The following TRPM3 variants were observed in gnomAD, a reference collection of about 807,000 sequenced individuals.
The protein encoded by TRPM3 is transient receptor potential cation channel subfamily M member 3.
In TRPM3, 77 loss-of-function variants were observed where a neutral mutation model predicts 181.2. The ratio of observed to expected loss-of-function variants is 0.42; its 90% CI spans 0.35 to 0.51. The LOEUF (loss-of-function observed/expected upper bound fraction) is 0.51. Among genes scored for constraint, TRPM3 ranks in the 20% least tolerant of loss-of-function variants. The pLI is 0.01. For missense variants in TRPM3, 1,759 were observed against 2,196.7 expected, an observed-to-expected ratio of 0.80 and a Z score of 3.98; for synonymous variants, 745 against 796.4, an observed-to-expected ratio of 0.94 and a Z score of 1.09.
chr9:70,974,595 G>A (rs2097283519), intron 1 of TRPM3, among the ~76,000 whole-genome samples: 1 of 151,824 alleles, frequency 6.6e-6, no homozygotes, highest in Admixed American at 6.6e-5. Flanking sequence ...TGGGCGTGGT[G>A]GCACATGCCT....
At chr9:70,647,405 G>A (rs1412299877) in intron 9 of TRPM3, among the ~76,000 whole-genome samples, 1 of 152,120 alleles carries the variant, frequency 6.6e-6, no homozygotes, top group Non-Finnish European at 1.5e-5. Context: ...ATAAATAAAT[G>A]TGATTCACCA....
At chr9:71,012,443 C>T (rs1021820559) in intron 1 of TRPM3, among the ~76,000 whole-genome samples, 9 of 151,304 alleles carry the variant, frequency 5.9e-5, no homozygotes, top group East Asian at 1.9e-4. Flanking sequence ...GTTAACCTTC[C>T]CTTACTGCTA....
intron 1 of TRPM3, among the ~76,000 whole-genome samples, chr9:71,092,710 T>G (rs1407336855): frequency 1.3e-5 from 2 of 152,204 alleles, no homozygotes; most frequent in Non-Finnish European, 2.9e-5. Flanking sequence ...AAAATTAATA[T>G]CTTCTACTTT....
At chr9:70,969,641 A>AG (rs1307663965) in intron 1 of TRPM3, among the ~76,000 whole-genome samples, 6 of 151,038 alleles carry the variant, frequency 4.0e-5, no homozygotes, top group Non-Finnish European at 7.4e-5. Context: ...TTGTGTTGAA[A>AG]TCTCCTGCCT....
At chr9:70,967,764 A>G (rs1200434844) in intron 1 of TRPM3, among the ~76,000 whole-genome samples, 2 of 152,226 alleles carry the variant, frequency 1.3e-5, no homozygotes, top group African/African-American at 2.4e-5. Flanking sequence ...TTTATTGAGA[A>G]ACTCTAAGAG....
At position 70,740,869 on chromosome 9, in the gene TRPM3, T is replaced by C. The variant is rs2073921928; in HGVS notation, c.1272+20732A>G. 5.3e-5 allele frequency among the ~76,000 whole-genome samples: 8 copies of C among 152,244 alleles called. No individual in the cohort carries two copies. In the South Asian group the frequency reaches 1.7e-3, roughly 32 times the overall value. ...CTGAAACCACAACAGTTCTAGGAGA[T>C]AACATCGGAAAAACCCTTCTAGACA... On this transcript the variant is annotated intron_variant, in intron 8 of 25. Coordinates refer to ENST00000677713, the MANE Select transcript of TRPM3 (RefSeq NM_001366145.2).
At chr9:70,805,502 C>T (rs1450149630) in intron 6 of TRPM3, among the ~76,000 whole-genome samples, 1 of 141,570 alleles carries the variant, frequency 7.1e-6, no homozygotes, top group African/African-American at 2.6e-5. Flanking sequence ...GCACTGCACT[C>T]CAACCTGGGC....
chr9:70,879,252 G>T (rs2095935288), intron 1 of TRPM3, among the ~76,000 whole-genome samples: 1 of 152,060 alleles, frequency 6.6e-6, no homozygotes, highest in African/African-American at 2.4e-5. Flanking sequence ...GCCAGGAGAG[G>T]TATCTGAGCT....
intron 1 of TRPM3, among the ~76,000 whole-genome samples, chr9:70,982,898 G>A (rs181020574): frequency 1.3e-5 from 2 of 151,922 alleles, no homozygotes; most frequent in East Asian, 1.9e-4. Context: ...ATGGGGTTTC[G>A]CCATGTTGGC....
chr9:70,610,665 C>G lies in TRPM3; in HGVS notation c.2611G>C (p.Gly871Arg), dbSNP rs182875508. ...TTGTAGAATTCATAGATTTTTCTGC[C>G]GAGGGGGATTAACCGGTGCTTGCTC... ...VQSKHRLIPLGRKIYEFYNAP... is the reference protein window; with the variant it reads ...VQSKHRLIPLRRKIYEFYNAP... Residue 871 changes from glycine to arginine, a missense_variant, in exon 19 of 26, where the codon GGC becomes CGC. By Grantham distance (125) the Gly-to-Arg change is moderately radical. Coordinates refer to ENST00000677713, the MANE Select transcript of TRPM3 (RefSeq NM_001366145.2). The G allele has an allele frequency of 6.2e-7, 1 of 1,614,086 alleles. No homozygotes were observed.
chr9:71,013,491 A>C (rs2097761981), intron 1 of TRPM3, among the ~76,000 whole-genome samples: 1 of 151,844 alleles, frequency 6.6e-6, no homozygotes. Flanking sequence ...CTATGCTGTG[A>C]AACAATTTTT....
chr9:70,806,322 T>C (rs1307323316), intron 6 of TRPM3, among the ~76,000 whole-genome samples: 1 of 152,192 alleles, frequency 6.6e-6, no homozygotes, highest in Non-Finnish European at 1.5e-5. Flanking sequence ...TTGGCCATTT[T>C]AGGGCATAAA....
chr9:71,093,201 A>C (rs751416224), intron 1 of TRPM3, among the ~76,000 whole-genome samples: 9 of 152,204 alleles, frequency 5.9e-5, no homozygotes, highest in Non-Finnish European at 1.3e-4. Context: ...TAAAGCACCA[A>C]AAGCAATTGC....
chr9:70,963,221 T>C (rs2097154353), intron 1 of TRPM3, among the ~76,000 whole-genome samples: 1 of 152,224 alleles, frequency 6.6e-6, no homozygotes, highest in South Asian at 2.1e-4. Context: ...AAGAGTCATC[T>C]TTTCTGGCAA....
At chr9:70,738,566 C>T (rs1358241571) in intron 8 of TRPM3, among the ~76,000 whole-genome samples, 1 of 152,012 alleles carries the variant, frequency 6.6e-6, no homozygotes. Flanking sequence ...TAAGGTCACA[C>T]ATCAAGAAAC....
intron 3 of TRPM3, among the ~76,000 whole-genome samples, chr9:70,847,898 G>A (rs554206104): frequency 2.0e-5 from 3 of 152,178 alleles, no homozygotes; most frequent in Admixed American, 6.5e-5. Context: ...AGAAGTAAAT[G>A]GAGATTCTCT....
At chr9:70,787,237 C>T (rs533109253) in intron 6 of TRPM3, among the ~76,000 whole-genome samples, 36 of 151,062 alleles carry the variant, frequency 2.4e-4, no homozygotes, top group African/African-American at 8.0e-4. Context: ...TGAAAACAAA[C>T]GTATTAATCC....
chr9:70,543,860 T>G (rs999609838), intron 25 of TRPM3, among the ~76,000 whole-genome samples: 1 of 151,940 alleles, frequency 6.6e-6, no homozygotes, highest in African/African-American at 2.4e-5. Context: ...TCATCAAGAG[T>G]CTGGGAATTA....
intron 12 of TRPM3, among the ~76,000 whole-genome samples, chr9:70,626,318 C>T (rs543627147): frequency 6.6e-6 from 1 of 152,130 alleles, no homozygotes; most frequent in African/African-American, 2.4e-5. Context: ...CCTGGTGTAG[C>T]TCCTTCTTGC....
Sources: allele counts gnomAD v4.1 joint callset (sites outside exome capture counted in the v4.1 genomes callset), GRCh38; gene constraint gnomAD v4.1.1; transcripts MANE v1.5; gene names NCBI Gene and HGNC (gene_info 2026-07-23, HGNC 2026-07-21).